Variants in MTMR3 observed in about 807,000 individuals in gnomAD.
MTMR3 encodes phosphatidylinositol-3,5-bisphosphate 3-phosphatase MTMR3.
A neutral mutation model predicts 132.4 loss-of-function variants in MTMR3; 32 were observed. The ratio of observed to expected loss-of-function variants is 0.24; its 90% CI spans 0.18 to 0.32. MTMR3 has a LOEUF of 0.32. Ranked by LOEUF, MTMR3 falls within the 10% of genes least tolerant of loss-of-function variation. The pLI is 1.00. For synonymous variants in MTMR3, 556 were observed against 550.3 expected (o/e 1.01, Z -0.14); for missense variants, 1,216 against 1,489.6 (o/e 0.82, Z 3.02).
rs1168975590 is a variant in MTMR3, at chr22:29,978,940, C to G, written c.98C>G (p.Pro33Arg). The change falls in exon 5 of 20, where the codon CCT becomes CGT. Residue 33 changes from proline (P) to arginine (R), a missense_variant. Around this residue, in one of 7 missense-constraint regions of MTMR3, gnomAD observed 81 missense variants for 87.7 expected, o/e 0.92. Transcript: ENST00000401950. ...LIREDENLQV[P>R]FLELHGESTE... ...AGGGTTTCTTTCATTTCGAAGGTTCCTTTCCTTGAACTTCATGGAGAGAGC... is the reference window on the plus strand; with the variant it reads ...AGGGTTTCTTTCATTTCGAAGGTTCGTTTCCTTGAACTTCATGGAGAGAGC... 1 of 1,611,330 alleles carries G rather than the reference C, an allele frequency of 6.2e-7. No homozygotes were observed. The highest frequency in any genetic ancestry group is 8.5e-7 in the Non-Finnish European group (1 of 1,178,134).
intron 10 of MTMR3, 21 bp from the exon 11 acceptor site, chr22:30,007,880 C>T (rs2067308586): frequency 6.2e-7 from 1 of 1,612,726 alleles, no homozygotes; most frequent in South Asian, 1.1e-5. Context: ...TTTAGTATGC[C>T]CTCTCCCTCT....
chr22:29,910,471 A>G (rs1210378191), intron 1 of MTMR3, among the ~76,000 whole-genome samples: 1 of 152,214 alleles, frequency 6.6e-6, no homozygotes, highest in Non-Finnish European at 1.5e-5. Context: ...AAGAAATTTC[A>G]TATTCCTTTC....
At chr22:29,983,941 A>G (rs1468854473) in intron 5 of MTMR3, 2 of 149,616 alleles carry the variant, frequency 1.3e-5, no homozygotes, top group South Asian at 4.2e-4. Context: ...TCAATTTTTT[A>G]TTTTATTTTA....
chr22:30,016,783 G>A (rs1423286154), intron 15 of MTMR3, 85 bp downstream of exon 15: 1 of 1,438,726 alleles, frequency 7.0e-7, no homozygotes, highest in East Asian at 2.3e-5. Context: ...AGTAGTGACT[G>A]TTTTTGTGAA....
chr22:29,939,201 A>G (rs989304286), intron 1 of MTMR3, among the ~76,000 whole-genome samples: 2 of 152,208 alleles, frequency 1.3e-5, no homozygotes, highest in African/African-American at 4.8e-5. Context: ...TCCACGCTGG[A>G]ATTTAAAATA....
intron 1 of MTMR3, among the ~76,000 whole-genome samples, chr22:29,907,130 A>G (rs1444424338): frequency 1.3e-5 from 2 of 151,386 alleles, no homozygotes; most frequent in Non-Finnish European, 2.9e-5. Context: ...GCCAGGCGTG[A>G]TGGGTCACAC....
chr22:29,952,347 A>T (rs908855657), intron 1 of MTMR3, among the ~76,000 whole-genome samples: 1 of 151,560 alleles, frequency 6.6e-6, no homozygotes, highest in Admixed American at 6.6e-5. Context: ...AACCCTGAAA[A>T]CTTCCAGACC....
rs1160646293 is a variant in MTMR3, at chr22:30,022,075, C to T, written c.3272C>T (p.Ser1091Phe). 1.2e-6 allele frequency: 2 copies of T among 1,614,214 alleles called. No individual in the cohort carries two copies. Among genetic ancestry groups the T allele is most frequent in the South Asian group, 1.1e-5 (1 of 91,084 alleles). The stretch of plus-strand genomic sequence containing the variant: ...AGCAATCTGGATCAGAACTGTTTGT[C>T]TCGCTGCAGCACAGAGATTTTCTCT... ...SESNLDQNCL[S>F]RCSTEIFSEA... Residue 1091 changes from serine to phenylalanine, a missense_variant, in exon 18 of 20, where the codon TCT becomes TTT. By Grantham distance (155) the Ser-to-Phe change is radical. Transcript: ENST00000401950.
intron 3 of MTMR3, among the ~76,000 whole-genome samples, 156 bp downstream of exon 3, chr22:29,971,218 T>C (rs2066528813): frequency 6.6e-6 from 1 of 152,116 alleles, no homozygotes; most frequent in South Asian, 2.1e-4. Flanking sequence ...CTTTTCTTGT[T>C]TACTTAGTAG....
In MTMR3 at chr22:29,979,238, A is replaced by AT. The variant is rs2066690842; in HGVS notation, c.210+187dup. 4 of 434,882 alleles carry AT rather than the reference A, an allele frequency of 9.2e-6. No individual in the cohort carries two copies. In the Admixed American group the frequency reaches 1.5e-4, roughly 16 times the overall value. The allele number at this position is 434,882 out of a possible 1,614,324, so 26.9% of individuals were successfully genotyped here. On this transcript the variant is annotated intron_variant, in intron 5 of 19. Transcript: ENST00000401950. ...CCAGGCGCGGTGGCTCACGCCTGTA[A>AT]TCCCAGCACTTTGGGAGGCCAAGGC...
Position 30,025,690 on chromosome 22 carries a change from G to A in MTMR3, c.3486G>A (p.Gln1162=). Residue 1162 remains glutamine, a synonymous_variant, in exon 20 of 20, where the codon CAG becomes CAA. Coordinates refer to ENST00000401950, the MANE Select transcript of MTMR3 (RefSeq NM_021090.4). ...CCNQKVPVPS[Q]QLFEPSRVCK... is the part of the protein sequence containing the mutation. Reference sequence around the variant, plus strand: ...ACCAGAAGGTTCCAGTTCCCAGCCAGCAGCTCTTTGAACCCAGTCGAGTAT... The same window carrying A: ...ACCAGAAGGTTCCAGTTCCCAGCCAACAGCTCTTTGAACCCAGTCGAGTAT... The A allele has an allele frequency of 1.2e-6, 2 of 1,614,210 alleles. No homozygotes were observed. Among genetic ancestry groups the A allele is most frequent in the Non-Finnish European group, 8.5e-7 (1 of 1,180,030 alleles).
intron 1 of MTMR3, among the ~76,000 whole-genome samples, chr22:29,932,002 A>C (rs1385391843): frequency 6.6e-6 from 1 of 152,180 alleles, no homozygotes; most frequent in Non-Finnish European, 1.5e-5. Flanking sequence ...TATTCTTTTG[A>C]AAAAATTCCC....
At chr22:29,968,379 A>G (rs1191613255) in intron 2 of MTMR3, among the ~76,000 whole-genome samples, 1 of 152,202 alleles carries the variant, frequency 6.6e-6, no homozygotes, top group Non-Finnish European at 1.5e-5. Context: ...TAGAAATTTT[A>G]TTCTAAAACA....
At chr22:29,911,445 A>AC (rs1319282518) in intron 1 of MTMR3, among the ~76,000 whole-genome samples, 12 of 152,238 alleles carry the variant, frequency 7.9e-5, no homozygotes, top group Admixed American at 3.3e-4. Flanking sequence ...TGGGATGCTG[A>AC]CATGGGAGGG....
intron 1 of MTMR3, among the ~76,000 whole-genome samples, chr22:29,922,563 C>CT (rs2145772890): frequency 6.6e-6 from 1 of 152,192 alleles, no homozygotes; most frequent in Non-Finnish European, 1.5e-5. Flanking sequence ...AGTTGGGTTG[C>CT]TTCTACTTTT....
intron 7 of MTMR3, chr22:29,998,212 G>A (rs548525884): frequency 6.6e-6 from 1 of 152,336 alleles, no homozygotes; most frequent in South Asian, 2.1e-4. Flanking sequence ...AGAGATGATT[G>A]TAAGGGTTAG....
chr22:29,934,222 C>A (rs549840009), intron 1 of MTMR3, among the ~76,000 whole-genome samples: 1 of 151,942 alleles, frequency 6.6e-6, no homozygotes, highest in South Asian at 2.1e-4. Flanking sequence ...GGCATTGTGG[C>A]GGGCACCTGT....
At chr22:29,895,530 T>C (rs1248035288) in intron 1 of MTMR3, among the ~76,000 whole-genome samples, 1 of 151,972 alleles carries the variant, frequency 6.6e-6, no homozygotes, top group Non-Finnish European at 1.5e-5. Context: ...GGTTGGCGAG[T>C]GGTTAGTTGA....
intron 12 of MTMR3, 37 bp downstream of exon 12, chr22:30,009,166 C>T: frequency 7.5e-7 from 1 of 1,338,240 alleles, no homozygotes. Flanking sequence ...TTGCATTGCT[C>T]TTAAATAATA....
Sources: allele counts gnomAD v4.1 joint callset (sites outside exome capture counted in the v4.1 genomes callset), GRCh38; gene constraint gnomAD v4.1.1; regional missense constraint gnomAD v4.1.1; transcripts MANE v1.5; gene names NCBI Gene and HGNC (gene_info 2026-07-23, HGNC 2026-07-21).